MFSD6: variants seen among roughly 807,000 people sequenced by gnomAD.
MFSD6 encodes major facilitator superfamily domain-containing protein 6.
MFSD6 carries 26 observed loss-of-function variants against 56.3 expected under a neutral mutation model. That is an observed-to-expected ratio of 0.46 (90% CI 0.34 to 0.64). The LOEUF is 0.64. MFSD6 is among the 30% of genes least tolerant of loss of function. The pLI is 0.01. For missense variants in MFSD6, 750 were observed against 986.2 expected, an observed-to-expected ratio of 0.76 and a Z score of 3.21; for synonymous variants, 331 against 366.9, an observed-to-expected ratio of 0.90 and a Z score of 1.12.
rs922391073 is a variant in MFSD6, at chr2:190,467,275, G to A, written c.1533-2483G>A. 2.4e-4 allele frequency among the ~76,000 whole-genome samples: 36 copies of A among 152,110 alleles called. No individual in the cohort carries two copies. Among genetic ancestry groups the A allele is most frequent in the African/African-American group, 7.5e-4 (31 of 41,418 alleles). ...CTTTATTGAGATAGGTGTGGGCCTC[G>A]GCATCTGTAGTTGTAAACAGTTACC... On this transcript the variant is annotated intron_variant, in intron 3 of 7. Transcript: ENST00000392328. This position sits in a 1 kb window ranked among gnomAD's most constrained non-coding sequence, Gnocchi z 5.5.
chr2:190,500,538 C>T lies in MFSD6; in HGVS notation c.*320C>T. 3.5e-6 allele frequency: 1 copy of T among 289,328 alleles called. No homozygotes were observed. Among genetic ancestry groups the T allele is most frequent in the Non-Finnish European group, 6.5e-6 (1 of 152,998 alleles). The allele number at this position is 289,328 out of a possible 1,614,324, so 17.9% of individuals were successfully genotyped here. On this transcript the variant is annotated 3_prime_UTR_variant, in exon 8 of 8. Transcript: ENST00000392328. The surrounding 1 kb of genome is among the most constrained non-coding windows in gnomAD (Gnocchi z 5.3). ...GTAAGAGTTGAAACCGGCAGTTACACTAAGTAAGTGGAGGGAATGAAAGTG... is the reference window on the plus strand; with the variant it reads ...GTAAGAGTTGAAACCGGCAGTTACATTAAGTAAGTGGAGGGAATGAAAGTG...
rs1687715939 is a variant in MFSD6 at position 190,468,347 on chromosome 2, T to G, written c.1533-1411T>G. The stretch of plus-strand genomic sequence containing the variant: ...CAACTTTTTCTTTTTTGTCTTTTCT[T>G]CATCTTTCTTTTCCATATGTGAGAT... On this transcript the variant is annotated intron_variant, in intron 3 of 7. Transcript: ENST00000392328. Among the ~76,000 whole-genome samples the G allele has an allele frequency of 3.3e-5, 5 of 152,352 alleles. No individual in the cohort carries two copies. In the South Asian group the frequency reaches 1.0e-3, roughly 32 times the overall value.
chr2:190,449,921 G>A (rs1299751952), intron 3 of MFSD6, among the ~76,000 whole-genome samples: 1 of 152,010 alleles, frequency 6.6e-6, no homozygotes, highest in Non-Finnish European at 1.5e-5. Context: ...GCTAAATGAC[G>A]AGTTAATGGG....
rs1438961329 is a variant in MFSD6 at position 190,418,453 on chromosome 2, GC to G, written c.-54+3043del. ...AGGTTTTACTAGGAGCCTTGGAAAG[GC>G]CCACCAAGAATGACAAGGTGGTTGG... On this transcript the variant is annotated intron_variant, in intron 2 of 7. Coordinates refer to ENST00000392328, the MANE Select transcript of MFSD6 (RefSeq NM_017694.4). This position sits in a 1 kb window ranked among gnomAD's most constrained non-coding sequence, Gnocchi z 4.1. 6.6e-6 allele frequency among the ~76,000 whole-genome samples: 1 copy of G among 152,100 alleles called. No homozygotes were observed. Among genetic ancestry groups the G allele is most frequent in the Non-Finnish European group, 1.5e-5 (1 of 68,002 alleles).
rs1162839673 is a variant in MFSD6 at position 190,491,367 on chromosome 2, C to T, written c.1891+1501C>T. On this transcript the variant is annotated intron_variant, in intron 6 of 7. Coordinates refer to ENST00000392328, the MANE Select transcript of MFSD6 (RefSeq NM_017694.4). The surrounding 1 kb of genome is among the most constrained non-coding windows in gnomAD (Gnocchi z 4.2). ...CTACTGCAGGAATATACCAGGAAAG[C>T]TGAGAGAATACACAGACCCTCTGAA... 6.6e-6 allele frequency among the ~76,000 whole-genome samples: 1 copy of T among 152,154 alleles called. No individual in the cohort carries two copies. Among genetic ancestry groups the T allele is most frequent in the Non-Finnish European group, 1.5e-5 (1 of 68,034 alleles).
rs1690583637 is a variant in MFSD6, at chr2:190,412,045, T to C, written c.-175-3247T>C. ...TGACTTTAGGTATAATTATTTTTAGTAACAATTTAGGAGAAGCAAGTTATC... is the reference window on the plus strand; with the variant it reads ...TGACTTTAGGTATAATTATTTTTAGCAACAATTTAGGAGAAGCAAGTTATC... On this transcript the variant is annotated intron_variant, in intron 1 of 7. Transcript: ENST00000392328. The surrounding 1 kb of genome is among the most constrained non-coding windows in gnomAD (Gnocchi z 4.1). 1.0e-6 allele frequency: 1 copy of C among 985,002 alleles called. No homozygotes were observed. Among genetic ancestry groups the C allele is most frequent in the Non-Finnish European group, 1.2e-6 (1 of 829,660 alleles). 61.0% of individuals were successfully genotyped at this position (985,002 alleles called of 1,614,324 possible). A position where few individuals can be genotyped will look rare whatever the true frequency, so the allele number is the denominator to read the frequency against.
rs1254728584 is a variant in MFSD6, at chr2:190,423,332, C to T, written c.-54+7919C>T. 5.9e-5 allele frequency among the ~76,000 whole-genome samples: 9 copies of T among 152,188 alleles called. No individual in the cohort carries two copies. Among genetic ancestry groups the T allele is most frequent in the Non-Finnish European group, 1.2e-4 (8 of 68,036 alleles). ...ATTCCTGGCAATCACCTGTCTATCTCTATTTCAATGATGTTGTCATTTCAA... is the reference window on the plus strand; with the variant it reads ...ATTCCTGGCAATCACCTGTCTATCTTTATTTCAATGATGTTGTCATTTCAA... On this transcript the variant is annotated intron_variant, in intron 2 of 7. Transcript: ENST00000392328. The surrounding 1 kb of genome is among the most constrained non-coding windows in gnomAD (Gnocchi z 4.3).
At position 190,462,673 on chromosome 2, in the gene MFSD6, C is replaced by T. The variant is rs1003581700; in HGVS notation, c.1533-7085C>T. ...GCGGGGGACAGGAGGACTAATTATA[C>T]CTGGAGACATCTTGGGAGGCTTCTT... On this transcript the variant is annotated intron_variant, in intron 3 of 7. Transcript: ENST00000392328. This position sits in a 1 kb window ranked among gnomAD's most constrained non-coding sequence, Gnocchi z 5.7. 6.6e-6 allele frequency among the ~76,000 whole-genome samples: 1 copy of T among 152,036 alleles called. No homozygotes were observed. Among genetic ancestry groups the T allele is most frequent in the African/African-American group, 2.4e-5 (1 of 41,390 alleles).
chr2:190,460,963 A>G (rs1412041642), intron 3 of MFSD6, among the ~76,000 whole-genome samples: 1 of 152,198 alleles, frequency 6.6e-6, no homozygotes, highest in Non-Finnish European at 1.5e-5. Flanking sequence ...GAAGCAAACA[A>G]GCACTCTTGT....
rs1686097592 is a variant in MFSD6 at position 190,434,187 on chromosome 2, A to C, written c.-53-1790A>C. Among the ~76,000 whole-genome samples the C allele has an allele frequency of 6.6e-6, 1 of 151,338 alleles. No homozygotes were observed. Among genetic ancestry groups the C allele is most frequent in the Non-Finnish European group, 1.5e-5 (1 of 67,814 alleles). On this transcript the variant is annotated intron_variant, in intron 2 of 7. Coordinates refer to ENST00000392328, the MANE Select transcript of MFSD6 (RefSeq NM_017694.4). The surrounding 1 kb of genome is among the most constrained non-coding windows in gnomAD (Gnocchi z 4.3). ...CAGAGTAAGACCCTGTCTCTCAAAA[A>C]AAAAAAAAGAAAAAAAAGAAAAGAA...
In MFSD6 at chr2:190,500,114, G is replaced by C. The variant is rs150227947; in HGVS notation, c.2272G>C (p.Ala758Pro). ...ATCTAGAAACCAGCCATCCCCTGACGCAGCAGCATCTCAGACGCAGACCAG... is the reference window on the plus strand; with the variant it reads ...ATCTAGAAACCAGCCATCCCCTGACCCAGCAGCATCTCAGACGCAGACCAG... Reference protein sequence around the residue: ...DPSRNQPSPDAAASQTQTSPA... With the variant: ...DPSRNQPSPDPAASQTQTSPA... Residue 758 changes from alanine (A) to proline (P), a missense_variant, in exon 8 of 8, where the codon GCA becomes CCA. This residue lies in a region of MFSD6 where 172 missense variants were observed against 203.9 expected (regional missense o/e 0.84). Coordinates refer to ENST00000392328, the MANE Select transcript of MFSD6 (RefSeq NM_017694.4). This position sits in a 1 kb window ranked among gnomAD's most constrained non-coding sequence, Gnocchi z 5.3. 6.2e-7 allele frequency: 1 copy of C among 1,614,154 alleles called. No individual in the cohort carries two copies. The highest frequency in any genetic ancestry group is 2.2e-5 in the East Asian group (1 of 44,874).
chr2:190,457,396 C>T lies in MFSD6; in HGVS notation c.1533-12362C>T, dbSNP rs1687099346. On this transcript the variant is annotated intron_variant, in intron 3 of 7. Transcript: ENST00000392328. The surrounding 1 kb of genome is among the most constrained non-coding windows in gnomAD (Gnocchi z 5.1). ...GAAAAAAACCACCTAGCAGACCCCA[C>T]TTCTTCCTGTTGGCCCCCTACCCCC... is the stretch of plus-strand genomic sequence containing the variant. Among the ~76,000 whole-genome samples the T allele has an allele frequency of 6.6e-6, 1 of 152,200 alleles. No individual in the cohort carries two copies. The highest frequency in any genetic ancestry group is 2.4e-5 in the African/African-American group (1 of 41,464).
Position 190,410,751 on chromosome 2 carries a change from A to T in MFSD6, c.-176+2248A>T, listed in dbSNP as rs1295912356. Among the ~76,000 whole-genome samples, 2 of 152,132 alleles carry T rather than the reference A, an allele frequency of 1.3e-5. No homozygotes were observed. The highest frequency in any genetic ancestry group is 4.8e-5 in the African/African-American group (2 of 41,402). Reference sequence around the variant, plus strand: ...TTTGCACATTGGCTGAAAAATCAAGATGCTGTATATTAAATGAAAAAAATG... The same window carrying T: ...TTTGCACATTGGCTGAAAAATCAAGTTGCTGTATATTAAATGAAAAAAATG... On this transcript the variant is annotated intron_variant, in intron 1 of 7. Coordinates refer to ENST00000392328, the MANE Select transcript of MFSD6 (RefSeq NM_017694.4). This position sits in a 1 kb window ranked among gnomAD's most constrained non-coding sequence, Gnocchi z 4.4.
intron 1 of MFSD6, among the ~76,000 whole-genome samples, chr2:190,409,775 C>G (rs998906017): frequency 9.2e-5 from 14 of 152,174 alleles, no homozygotes; most frequent in African/African-American, 3.4e-4. Context: ...AGGATAGGAT[C>G]CTCCTCTTTG....
Position 190,497,766 on chromosome 2 carries a change from AC to A in MFSD6, c.2172+49del. ...AGCAATATTACCTGTCACTCAAGAT[AC>A]CTTAACTGGGCTCAGTTTTAATTAC... On this transcript the variant is annotated intron_variant, in intron 7 of 7. Coordinates refer to ENST00000392328, the MANE Select transcript of MFSD6 (RefSeq NM_017694.4). The surrounding 1 kb of genome is among the most constrained non-coding windows in gnomAD (Gnocchi z 5.2). 6.4e-7 allele frequency: 1 copy of A among 1,555,208 alleles called. No homozygotes were observed. Among genetic ancestry groups the A allele is most frequent in the South Asian group, 1.2e-5 (1 of 84,996 alleles).
rs1553516519 is a variant in MFSD6 at position 190,417,998 on chromosome 2, GTGTA to G, written c.-54+2589_-54+2592del. ...TGTGTGTGTGTGTGTGTGTGTGTGT[GTGTA>G]TGTGAGAGAGAGAGAGATGTGGTTT... On this transcript the variant is annotated intron_variant, in intron 2 of 7. Coordinates refer to ENST00000392328, the MANE Select transcript of MFSD6 (RefSeq NM_017694.4). This position sits in a 1 kb window ranked among gnomAD's most constrained non-coding sequence, Gnocchi z 5.7. 6.3e-3 allele frequency among the ~76,000 whole-genome samples: 939 copies of G among 150,092 alleles called. 7 individuals carry two copies. The highest frequency in any genetic ancestry group is 7.3e-3 in the Non-Finnish European group (489 of 67,326).
In MFSD6 at chr2:190,471,758, G is replaced by A. The variant is rs905419501; in HGVS notation, c.1630+1903G>A. Among the ~76,000 whole-genome samples, 6 of 152,176 alleles carry A rather than the reference G, an allele frequency of 3.9e-5. No individual in the cohort carries two copies. The highest frequency in any genetic ancestry group is 9.7e-5 in the African/African-American group (4 of 41,442). ...TTGAAGACAGTAGTTCTCCCAGGAC[G>A]CAGCTTGAGATCTGAGAACAGACAG... On this transcript the variant is annotated intron_variant, in intron 4 of 7. Transcript: ENST00000392328. This position sits in a 1 kb window ranked among gnomAD's most constrained non-coding sequence, Gnocchi z 4.7.
Position 190,461,380 on chromosome 2 carries a change from A to C in MFSD6, c.1533-8378A>C, listed in dbSNP as rs1197156031. ...CCCCCAATTCCTCTCCTTAGAGACTATCCATTATATGAGGTTCTAGTGTTG... is the reference window on the plus strand; with the variant it reads ...CCCCCAATTCCTCTCCTTAGAGACTCTCCATTATATGAGGTTCTAGTGTTG... On this transcript the variant is annotated intron_variant, in intron 3 of 7. Transcript: ENST00000392328. The surrounding 1 kb of genome is among the most constrained non-coding windows in gnomAD (Gnocchi z 5.5). 6.6e-6 allele frequency among the ~76,000 whole-genome samples: 1 copy of C among 152,364 alleles called. No individual in the cohort carries two copies. Among genetic ancestry groups the C allele is most frequent in the African/African-American group, 2.4e-5 (1 of 41,594 alleles).
In MFSD6 at chr2:190,458,595, C is replaced by G. The variant is rs920918834; in HGVS notation, c.1533-11163C>G. Among the ~76,000 whole-genome samples, 1 of 152,172 alleles carries G rather than the reference C, an allele frequency of 6.6e-6. No individual in the cohort carries two copies. The highest frequency in any genetic ancestry group is 6.5e-5 in the Admixed American group (1 of 15,268). Reference sequence around the variant, plus strand: ...TAGCTTCACCCCAGTTTTAGATTCCCTTCCCCCCGAGTGCTTGACAGATGG... The same window carrying G: ...TAGCTTCACCCCAGTTTTAGATTCCGTTCCCCCCGAGTGCTTGACAGATGG... On this transcript the variant is annotated intron_variant, in intron 3 of 7. Coordinates refer to ENST00000392328, the MANE Select transcript of MFSD6 (RefSeq NM_017694.4). The surrounding 1 kb of genome is among the most constrained non-coding windows in gnomAD (Gnocchi z 5.3).
Sources: gnomAD v4.1 joint callset for allele counts (sites outside exome capture counted in the v4.1 genomes callset) on GRCh38, gnomAD v4.1.1 for gene constraint, gnomAD v4.1.1 regional missense constraint, Gnocchi (gnomAD v3.1) non-coding constraint, MANE v1.5 for transcripts, NCBI Gene and HGNC (gene_info 2026-07-23, HGNC 2026-07-21) for gene names.